Variants in ARMC3 observed in about 807,000 individuals in gnomAD.
The protein encoded by ARMC3 is armadillo repeat-containing protein 3.
Under a neutral mutation model 90.3 loss-of-function variants are expected in ARMC3, and 74 were observed. The ratio of observed to expected loss-of-function variants is 0.82; its 90% CI spans 0.68 to 0.99. The LOEUF (loss-of-function observed/expected upper bound fraction) is 0.99. Ranked by LOEUF, ARMC3 falls within the 50% of genes least tolerant of loss-of-function variation. ARMC3 has a pLI of 0.00. For missense variants in ARMC3, 958 were observed against 1,042.8 expected (o/e 0.92, Z 1.12); for synonymous variants, 334 against 361.8 (o/e 0.92, Z 0.87).
chr10:23,008,814 G>C lies in ARMC3; in HGVS notation c.1929-1G>C. 6.2e-7 allele frequency: 1 copy of C among 1,607,612 alleles called. No individual in the cohort carries two copies. Among genetic ancestry groups the C allele is most frequent in the Non-Finnish European group, 8.5e-7 (1 of 1,175,856 alleles). On this transcript the variant is annotated splice_acceptor_variant, in intron 15 of 18. Transcript: ENST00000298032. LOFTEE classifies it high-confidence loss of function. ...GTTGTGGTTTTTTTTCAAATGACAAGAAAAAATAGTTATCATTTTAGTGCT... is the reference window on the plus strand; with the variant it reads ...GTTGTGGTTTTTTTTCAAATGACAACAAAAAATAGTTATCATTTTAGTGCT...
chr10:22,998,954 G>A (rs1301393466), intron 11 of ARMC3, among the ~76,000 whole-genome samples: 1 of 152,162 alleles, frequency 6.6e-6, no homozygotes, highest in Non-Finnish European at 1.5e-5. Context: ...GAAAATTGAG[G>A]GAATGCTGAA....
In ARMC3 at chr10:22,954,259, CCTTA is replaced by C. The variant is rs563064611; in HGVS notation, c.167-1544_167-1541del. On this transcript the variant is annotated intron_variant, in intron 3 of 18. Coordinates refer to ENST00000298032, the MANE Select transcript of ARMC3 (RefSeq NM_173081.5). Reference sequence around the variant, plus strand: ...AAATTATATATTCTGGATATACATCCCTTACTTCTGTATCAGACATATATTTGCA... The same window carrying C: ...AAATTATATATTCTGGATATACATCCCTTCTGTATCAGACATATATTTGCA... 3.1e-3 allele frequency among the ~76,000 whole-genome samples: 468 copies of C among 152,018 alleles called. 1 individual carries two copies. Among genetic ancestry groups the C allele is most frequent in the African/African-American group, 0.011 (438 of 41,444 alleles).
chr10:22,979,121 AATGG>A (rs1836073829), intron 8 of ARMC3, among the ~76,000 whole-genome samples: 1 of 152,240 alleles, frequency 6.6e-6, no homozygotes, highest in African/African-American at 2.4e-5. Context: ...AACTTCTGAG[AATGG>A]ATGAAGGAAA....
intron 13 of ARMC3, 135 bp downstream of exon 13, chr10:23,003,549 C>T (rs1837424485): frequency 2.6e-6 from 2 of 781,664 alleles, no homozygotes; most frequent in Non-Finnish European, 3.8e-6. Context: ...AAAATCAGCA[C>T]TTCATTCTTA....
chr10:23,016,484 G>A (rs1371361731), intron 16 of ARMC3, among the ~76,000 whole-genome samples: 2 of 152,170 alleles, frequency 1.3e-5, no homozygotes, highest in Non-Finnish European at 2.9e-5. Flanking sequence ...GTTTCCTGAG[G>A]TAGTTTTGCT....
At chr10:22,968,602 A>G in intron 8 of ARMC3, 113 bp downstream of exon 8, 4 of 945,690 alleles carry the variant, frequency 4.2e-6, no homozygotes, top group Non-Finnish European at 6.0e-6. Context: ...CCAGGTTACA[A>G]GTGATTCTCC....
chr10:22,983,080 A>C (rs1382509188), intron 10 of ARMC3, among the ~76,000 whole-genome samples: 2 of 152,214 alleles, frequency 1.3e-5, no homozygotes, highest in Non-Finnish European at 2.9e-5. Flanking sequence ...TCTAAGTAGC[A>C]GTTTGAAAAT....
chr10:22,934,085 A>G (rs183589566), intron 2 of ARMC3, among the ~76,000 whole-genome samples: 1 of 152,340 alleles, frequency 6.6e-6, no homozygotes, highest in Admixed American at 6.5e-5. Context: ...AATGAAAACC[A>G]CATTTAAAGA....
intron 7 of ARMC3, among the ~76,000 whole-genome samples, chr10:22,963,066 A>G (rs942555712): frequency 2.0e-5 from 3 of 152,204 alleles, no homozygotes; most frequent in Non-Finnish European, 1.5e-5. Flanking sequence ...AAAGTGACTA[A>G]CCACAGGGTT....
At chr10:22,984,921 G>A (rs1836347799) in intron 10 of ARMC3, among the ~76,000 whole-genome samples, 1 of 151,580 alleles carries the variant, frequency 6.6e-6, no homozygotes. Context: ...TGCCCAGGCT[G>A]AAGTGCAATG....
intron 10 of ARMC3, among the ~76,000 whole-genome samples, chr10:22,997,078 G>A (rs74743348): frequency 6.6e-6 from 1 of 151,742 alleles, no homozygotes; most frequent in Non-Finnish European, 1.5e-5. Flanking sequence ...CAGAATTTTG[G>A]GTCTCCCTTT....
At chr10:23,009,932 C>T (rs1467503310) in intron 16 of ARMC3, among the ~76,000 whole-genome samples, 6 of 152,134 alleles carry the variant, frequency 3.9e-5, no homozygotes, top group Admixed American at 3.3e-4. Flanking sequence ...GGAACAGATA[C>T]CAGACCCCTG....
At chr10:22,943,521 T>G (rs1834403600) in intron 2 of ARMC3, among the ~76,000 whole-genome samples, 1 of 152,216 alleles carries the variant, frequency 6.6e-6, no homozygotes, top group African/African-American at 2.4e-5. Context: ...ATTCCTCTTT[T>G]TTTAAAACCA....
At chr10:22,935,673 GAATT>G (rs979142542) in intron 2 of ARMC3, among the ~76,000 whole-genome samples, 1 of 151,840 alleles carries the variant, frequency 6.6e-6, no homozygotes, top group East Asian at 1.9e-4. Flanking sequence ...TAAACACTAT[GAATT>G]AATAAAAAAT....
At position 22,956,528 on chromosome 10, in the gene ARMC3, G is replaced by A. The variant is rs533546850; in HGVS notation, c.292+596G>A. ...TGAGGCAGGAGAATCGCTTGAACTC[G>A]GGAGGTGGAGGTTGCAGTGAGCTGA... On this transcript the variant is annotated intron_variant, in intron 4 of 18. Transcript: ENST00000298032. Among the ~76,000 whole-genome samples, 496 of 151,966 alleles carry A rather than the reference G, an allele frequency of 3.3e-3. 2 individuals carry two copies. The highest frequency in any genetic ancestry group is 0.01 in the African/African-American group (434 of 41,476).
Position 22,968,464 on chromosome 10 carries a change from A to G in ARMC3, c.891A>G (p.Lys297=). 1 of 1,598,586 alleles carries G rather than the reference A, an allele frequency of 6.3e-7. No homozygotes were observed. Among genetic ancestry groups the G allele is most frequent in the Non-Finnish European group, 8.5e-7 (1 of 1,175,524 alleles). Residue 297 remains lysine (K), a synonymous_variant, in exon 8 of 19, where the codon AAA becomes AAG. Transcript: ENST00000298032. The part of the protein sequence containing the change: ...TIPDIQKNAA[K]AITKAAYDPE... ...CTGATATTCAGAAGAATGCAGCAAA[A>G]GCCATTACTAAAGCAGCTTATGATC...
intron 2 of ARMC3, among the ~76,000 whole-genome samples, chr10:22,934,638 A>G (rs1023620898): frequency 1.3e-5 from 2 of 152,120 alleles, no homozygotes; most frequent in African/African-American, 4.8e-5. Context: ...TCCATTATCC[A>G]CTTATGCCCA....
intron 16 of ARMC3, chr10:23,014,332 C>T (rs1838168961): frequency 3.6e-6 from 5 of 1,369,868 alleles, no homozygotes; most frequent in African/African-American, 1.5e-5. Flanking sequence ...CGTCCCTTCT[C>T]TCTTCCCTTC....
At chr10:23,023,173 A>G (rs1838578191) in intron 16 of ARMC3, among the ~76,000 whole-genome samples, 1 of 152,108 alleles carries the variant, frequency 6.6e-6, no homozygotes, top group Non-Finnish European at 1.5e-5. Flanking sequence ...CCTATCCTTC[A>G]CAGAGAGTCC....
Sources: gnomAD v4.1 joint callset for allele counts (sites outside exome capture counted in the v4.1 genomes callset) on GRCh38, gnomAD v4.1.1 for gene constraint, MANE v1.5 for transcripts, NCBI Gene and HGNC (gene_info 2026-07-23, HGNC 2026-07-21) for gene names.